The following RAC1 variants were observed in gnomAD, a reference collection of about 807,000 sequenced individuals.
RAC1 encodes Rac family small GTPase 1, also known as ras-related C3 botulinum toxin substrate 1.
In RAC1, 2 loss-of-function variants were observed where a neutral mutation model predicts 25.2. The ratio of observed to expected loss-of-function variants is 0.08; its 90% confidence interval spans 0.03 to 0.25. The LOEUF is 0.25. Among genes scored for constraint, RAC1 ranks in the 10% least tolerant of loss-of-function variants. The probability of loss-of-function intolerance (pLI) is 1.00; values close to 1 mark genes in which losing one functional copy is unlikely to be tolerated. For synonymous variants in RAC1, 88 were observed against 94.0 expected (o/e 0.94, Z 0.37); for missense variants, 50 against 235.7 (o/e 0.21, Z 5.16).
At position 6,400,121 on chromosome 7, in the gene RAC1, T is replaced by C; in HGVS notation, c.226-5T>C. 6.2e-7 allele frequency: 1 copy of C among 1,608,664 alleles called. No homozygotes were observed. The highest frequency in any genetic ancestry group is 8.5e-7 in the Non-Finnish European group (1 of 1,175,390). ...TAAATGTTTCCCTGTGTTTCCTTTT[T>C]GTAGGATGTGTTCTTAATTTGCTTT... is the stretch of plus-strand genomic sequence containing the variant. On this transcript the variant is annotated splice_region_variant and splice_polypyrimidine_tract_variant and intron_variant, in intron 3 of 5. Transcript: ENST00000348035.
At chr7:6,386,798 A>G (rs1251143010) in intron 1 of RAC1, among the ~76,000 whole-genome samples, 2 of 151,412 alleles carry the variant, frequency 1.3e-5, no homozygotes, top group African/African-American at 4.9e-5. Flanking sequence ...CAAAAAAAAA[A>G]AAAAAAGAAA....
chr7:6,389,203 CAA>C (rs5882093), intron 2 of RAC1, among the ~76,000 whole-genome samples: 59,442 of 138,508 alleles, frequency 0.43, 14,054 homozygotes, highest in East Asian at 0.89. Context: ...CTCTGTCTCC[CAA>C]AAAAAAAAAA....
At position 6,403,830 on chromosome 7, in the gene RAC1, C is replaced by CGT; in HGVS notation, c.*1386_*1387dup. Reference sequence around the variant, plus strand: ...ACTTAACTCACTGGCGAGAATACAGCGTGGGACCCTTCAGCCACTACAACA... The same window carrying CGT: ...ACTTAACTCACTGGCGAGAATACAGCGTGTGGGACCCTTCAGCCACTACAACA... On this transcript the variant is annotated 3_prime_UTR_variant, in exon 6 of 6. Transcript: ENST00000348035. 1 of 220,580 alleles carries CGT rather than the reference C, an allele frequency of 4.5e-6. No individual in the cohort carries two copies. Among genetic ancestry groups the CGT allele is most frequent in the Non-Finnish European group, 9.1e-6 (1 of 109,816 alleles). 13.7% of individuals were successfully genotyped at this position (220,580 alleles called of 1,614,324 possible). A position where few individuals can be genotyped will look rare whatever the true frequency, so the allele number is the denominator to read the frequency against.
At chr7:6,400,647 A>C (rs754605640) in intron 4 of RAC1, among the ~76,000 whole-genome samples, 3 of 151,510 alleles carry the variant, frequency 2.0e-5, no homozygotes, top group Non-Finnish European at 4.4e-5. Context: ...TATTTTATTT[A>C]TTTATTTTTG....
chr7:6,379,539 T>G (rs1007611341), intron 1 of RAC1, among the ~76,000 whole-genome samples: 8 of 151,988 alleles, frequency 5.3e-5, no homozygotes, highest in African/African-American at 1.7e-4. Flanking sequence ...TCTCAAAAAG[T>G]ACTGGGATTA....
chr7:6,393,711 A>G (rs1270133907), intron 3 of RAC1, among the ~76,000 whole-genome samples: 1 of 152,178 alleles, frequency 6.6e-6, no homozygotes, highest in Non-Finnish European at 1.5e-5. Context: ...AGGGAGTGGG[A>G]CATGGTTCTT....
chr7:6,377,527 G>A (rs1170088827), intron 1 of RAC1, among the ~76,000 whole-genome samples: 1 of 152,180 alleles, frequency 6.6e-6, no homozygotes, highest in Non-Finnish European at 1.5e-5. Context: ...CCCAGGAGGT[G>A]GAGGTTGTAG....
At position 6,403,217 on chromosome 7, in the gene RAC1, AGT is replaced by A. The variant is rs1333745731; in HGVS notation, c.*774_*775del. 4.5e-6 allele frequency: 1 copy of A among 221,438 alleles called. No homozygotes were observed. The highest frequency in any genetic ancestry group is 9.1e-6 in the Non-Finnish European group (1 of 110,424). 13.7% of individuals were successfully genotyped at this position (221,438 alleles called of 1,614,324 possible). On this transcript the variant is annotated 3_prime_UTR_variant, in exon 6 of 6. Coordinates refer to ENST00000348035, the MANE Select transcript of RAC1 (RefSeq NM_006908.5). ...TACACTACATTGTACAAGGAATGAAAGTGTCACGGGTAAAAACTCTAAAAGGT... is the reference window on the plus strand; with the variant it reads ...TACACTACATTGTACAAGGAATGAAAGTCACGGGTAAAAACTCTAAAAGGT...
chr7:6,375,281 G>T (rs369405638), intron 1 of RAC1, among the ~76,000 whole-genome samples: 1 of 152,082 alleles, frequency 6.6e-6, no homozygotes, highest in South Asian at 2.1e-4. Context: ...TCATAGACGG[G>T]GTCTCGCTGT....
chr7:6,379,349 A>C (rs148853585), intron 1 of RAC1, among the ~76,000 whole-genome samples: 2 of 142,888 alleles, frequency 1.4e-5, no homozygotes, highest in African/African-American at 5.2e-5. Context: ...ATCTCGGCTC[A>C]CTGCAACCTC....
chr7:6,388,311 G>C (rs1050901971), intron 2 of RAC1, among the ~76,000 whole-genome samples: 1 of 148,590 alleles, frequency 6.7e-6, no homozygotes, highest in African/African-American at 2.5e-5. Context: ...CTGAAGTGTC[G>C]TACCCATGTT....
At chr7:6,387,616 T>C (rs1000127557) in intron 2 of RAC1, among the ~76,000 whole-genome samples, 1 of 151,632 alleles carries the variant, frequency 6.6e-6, no homozygotes, top group Non-Finnish European at 1.5e-5. Flanking sequence ...TCCCACATAC[T>C]TGGGAGGCTG....
Position 6,398,513 on chromosome 7 carries a change from A to G in RAC1, c.226-1613A>G, listed in dbSNP as rs1458799974. The G allele has an allele frequency of 1.1e-5, 7 of 646,940 alleles. No homozygotes were observed. The East Asian group carries it at 1.4e-4, about 13-fold the overall frequency. The allele number at this position is 646,940 out of a possible 1,614,324, so 40.1% of individuals were successfully genotyped here. On this transcript the variant is annotated intron_variant, in intron 3 of 5. Transcript: ENST00000348035. ...GTGGAGTGTTTCAGTGGCATTTGTC[A>G]TCGAAGATATGTTAGAATCTATTGT...
At chr7:6,393,892 G>A (rs376847926) in intron 3 of RAC1, among the ~76,000 whole-genome samples, 11 of 152,314 alleles carry the variant, frequency 7.2e-5, no homozygotes, top group African/African-American at 2.4e-4. Flanking sequence ...CAACTCAGGG[G>A]CAGGCCACAG....
chr7:6,379,615 G>C (rs1159527551), intron 1 of RAC1, among the ~76,000 whole-genome samples: 1 of 152,188 alleles, frequency 6.6e-6, no homozygotes, highest in African/African-American at 2.4e-5. Flanking sequence ...TCACCATGTT[G>C]ACCAGGTTGG....
At chr7:6,385,127 T>C (rs554172777) in intron 1 of RAC1, among the ~76,000 whole-genome samples, 64 of 152,280 alleles carry the variant, frequency 4.2e-4, no homozygotes, top group Middle Eastern at 6.8e-3. Context: ...TTTTCAGCTC[T>C]AGAAATGTTA....
At position 6,402,011 on chromosome 7, in the gene RAC1, C is replaced by G. The variant is rs990162723; in HGVS notation, c.432C>G (p.Ala144=). Residue 144 remains alanine, a synonymous_variant, in exon 5 of 6, where the codon GCC becomes GCG. Coordinates refer to ENST00000348035, the MANE Select transcript of RAC1 (RefSeq NM_006908.5). Reference sequence around the variant, plus strand: ...CCATCACCTATCCGCAGGGTCTAGCCATGGCTAAGGAGATTGGTATGGAAT... The same window carrying G: ...CCATCACCTATCCGCAGGGTCTAGCGATGGCTAAGGAGATTGGTATGGAAT... ...LTPITYPQGL[A]MAKEIGAVKY... The G allele has an allele frequency of 2.5e-6, 4 of 1,613,772 alleles. No individual in the cohort carries two copies. In the African/African-American group the frequency reaches 4.0e-5, roughly 16 times the overall value.
intron 3 of RAC1, 42 bp from the exon 4 acceptor site, chr7:6,400,084 A>T: frequency 6.5e-7 from 1 of 1,536,758 alleles, no homozygotes; most frequent in South Asian, 1.1e-5. Context: ...GCTTCATTCT[A>T]AGGTTGTTGT....
intron 2 of RAC1, 85 bp downstream of exon 2, chr7:6,387,368 T>A: frequency 1.1e-6 from 1 of 950,392 alleles, no homozygotes; most frequent in South Asian, 1.5e-5. Flanking sequence ...AAAGCCATCT[T>A]TAATCCTCAT....
Sources: gnomAD v4.1 joint callset for allele counts (sites outside exome capture counted in the v4.1 genomes callset) on GRCh38, gnomAD v4.1.1 for gene constraint, MANE v1.5 for transcripts, NCBI Gene and HGNC (gene_info 2026-07-23, HGNC 2026-07-21) for gene names.